Variants in MSR1 observed in about 807,000 individuals in gnomAD.
MSR1 encodes the protein macrophage scavenger receptor 1.
MSR1 carries 53 observed loss-of-function variants against 47.2 expected under a neutral mutation model. The observed-to-expected ratio is 1.12, with a 90% CI of 0.90 to 1.41. The LOEUF (loss-of-function observed/expected upper bound fraction) is 1.41. Among genes scored for constraint, MSR1 ranks in the 40% most tolerant of loss-of-function variants. The pLI is 0.00. For missense variants in MSR1, 786 were observed against 546.9 expected, an observed-to-expected ratio of 1.44 and a Z score of -4.36; for synonymous variants, 239 against 185.6, an observed-to-expected ratio of 1.29 and a Z score of -2.34.
chr8:16,118,572 A>C (rs1233545385), intron 9 of MSR1, among the ~76,000 whole-genome samples: 1 of 152,072 alleles, frequency 6.6e-6, no homozygotes, highest in Non-Finnish European at 1.5e-5. Flanking sequence ...GCAGCTTCTC[A>C]GGAGGCTGAG....
chr8:16,133,862 C>A (rs1800322435), intron 8 of MSR1, among the ~76,000 whole-genome samples: 1 of 152,162 alleles, frequency 6.6e-6, no homozygotes, highest in African/African-American at 2.4e-5. Flanking sequence ...TGGCACCCAT[C>A]TAGAAAAAAC....
At position 16,168,551 on chromosome 8, in the gene MSR1, G is replaced by C. The variant is rs780387163; in HGVS notation, c.537C>G (p.Ser179=). The C allele has an allele frequency of 4.3e-6, 7 of 1,614,074 alleles. No homozygotes were observed. The highest frequency in any genetic ancestry group is 5.9e-6 in the Non-Finnish European group (7 of 1,179,998). ...GCAATGTGGTATTCAAACTTATTAA[G>C]GACTTGGAGATTTCATCTATTGCAT... ...HGNAIDEISK[S]LISLNTTLLD... The change falls in exon 4 of 10, where the codon TCC becomes TCG. Residue 179 remains serine (S), a synonymous_variant. Transcript: ENST00000262101.
intron 8 of MSR1, chr8:16,121,096 T>A (rs1306603869): frequency 2.3e-5 from 9 of 397,256 alleles, no homozygotes; most frequent in Non-Finnish European, 4.4e-5. Context: ...ACTTCATATC[T>A]TTTCCCAAGG....
intron 8 of MSR1, among the ~76,000 whole-genome samples, chr8:16,128,609 T>C (rs1800182608): frequency 6.6e-6 from 1 of 152,184 alleles, no homozygotes; most frequent in Non-Finnish European, 1.5e-5. Flanking sequence ...CCAAGCAGAC[T>C]AATACGTTTT....
At chr8:16,128,945 A>T (rs1314920827) in intron 8 of MSR1, among the ~76,000 whole-genome samples, 1 of 152,204 alleles carries the variant, frequency 6.6e-6, no homozygotes, top group African/African-American at 2.4e-5. Context: ...CTTTTGGTGC[A>T]GAAATAGTAT....
At chr8:16,143,462 T>A (rs1290533481) in intron 8 of MSR1, 96 bp downstream of exon 8, 3 of 1,034,108 alleles carry the variant, frequency 2.9e-6, no homozygotes, top group Non-Finnish European at 4.5e-6. Context: ...GGATCTGTGC[T>A]GAAGTTGCGA....
intron 8 of MSR1, among the ~76,000 whole-genome samples, chr8:16,127,653 C>CACA (rs35818602): frequency 0.13 from 20,419 of 152,048 alleles, 2,091 homozygotes; most frequent in African/African-American, 0.26. Context: ...GATAATGCCA[C>CACA]ACAAGAGCTG....
chr8:16,148,658 G>T (rs1800764204), intron 7 of MSR1, among the ~76,000 whole-genome samples: 1 of 151,960 alleles, frequency 6.6e-6, no homozygotes, highest in Non-Finnish European at 1.5e-5. Context: ...GGCCAGGCTG[G>T]TCTTGAACTG....
At chr8:16,173,298 A>C (rs1801541822) in intron 3 of MSR1, among the ~76,000 whole-genome samples, 1 of 152,200 alleles carries the variant, frequency 6.6e-6, no homozygotes, top group Non-Finnish European at 1.5e-5. Context: ...ACTCTGCACG[A>C]GCCTATCAGA....
intron 5 of MSR1, among the ~76,000 whole-genome samples, chr8:16,160,781 A>G (rs540075442): frequency 1.2e-3 from 179 of 152,088 alleles, no homozygotes; most frequent in African/African-American, 4.2e-3. Flanking sequence ...CACTTTTTCT[A>G]TATTAACTTT....
chr8:16,148,407 T>G lies in MSR1; in HGVS notation c.979+1824A>C, dbSNP rs565080445. On this transcript the variant is annotated intron_variant, in intron 7 of 9. Transcript: ENST00000262101. Reference sequence around the variant, plus strand: ...ACAATCACACTCTTAGGTAAACTCCTGTCCACAGAAAAGCCAGCACATTAA... The same window carrying G: ...ACAATCACACTCTTAGGTAAACTCCGGTCCACAGAAAAGCCAGCACATTAA... Among the ~76,000 whole-genome samples, 58 of 152,162 alleles carry G rather than the reference T, an allele frequency of 3.8e-4. 1 individual carries two copies. The highest frequency in any genetic ancestry group is 7.6e-4 in the Non-Finnish European group (52 of 68,006).
intron 1 of MSR1, among the ~76,000 whole-genome samples, chr8:16,187,949 T>C (rs1300472782): frequency 6.6e-6 from 1 of 152,180 alleles, no homozygotes; most frequent in African/African-American, 2.4e-5. Flanking sequence ...TGAACATACA[T>C]ACTTGCATGA....
intron 6 of MSR1, 72 bp downstream of exon 6, chr8:16,154,992 C>T (rs547865430): frequency 1.6e-6 from 2 of 1,267,042 alleles, no homozygotes; most frequent in East Asian, 2.3e-5. Flanking sequence ...TAGCAATCCT[C>T]CCCTACACAT....
chr8:16,180,199 C>T (rs1801787554), intron 1 of MSR1, among the ~76,000 whole-genome samples: 3 of 151,948 alleles, frequency 2.0e-5, no homozygotes, highest in Admixed American at 1.3e-4. Flanking sequence ...TTTCACTTTC[C>T]AGAGCTTTTC....
intron 1 of MSR1, among the ~76,000 whole-genome samples, chr8:16,188,081 C>T (rs184449326): frequency 2.0e-5 from 3 of 152,184 alleles, no homozygotes. Flanking sequence ...TGTCAGTGTG[C>T]TGATAAACGA....
chr8:16,157,556 T>A (rs1202971920), intron 5 of MSR1, among the ~76,000 whole-genome samples: 1 of 151,994 alleles, frequency 6.6e-6, no homozygotes, highest in Non-Finnish European at 1.5e-5. Flanking sequence ...TTATGTTTCA[T>A]TTTTGTACAT....
At chr8:16,175,443 A>G in intron 2 of MSR1, 143 bp from the exon 3 acceptor site, 1 of 739,772 alleles carries the variant, frequency 1.4e-6, no homozygotes, top group East Asian at 2.7e-5. Flanking sequence ...TCTTTGCAGT[A>G]GAAAGCAAAA....
At chr8:16,177,847 A>C (rs779286633) in intron 2 of MSR1, 39 bp downstream of exon 2, 2 of 1,520,596 alleles carry the variant, frequency 1.3e-6, no homozygotes, top group South Asian at 1.1e-5. Flanking sequence ...AATAACTCTA[A>C]GAACAACCTC....
In MSR1 at chr8:16,109,967, T is replaced by C; in HGVS notation, c.*118A>G. 8.2e-7 allele frequency: 1 copy of C among 1,218,654 alleles called. No individual in the cohort carries two copies. The highest frequency in any genetic ancestry group is 1.8e-5 in the Admixed American group (1 of 54,100). 75.5% of individuals were successfully genotyped at this position (1,218,654 alleles called of 1,614,324 possible). On this transcript the variant is annotated 3_prime_UTR_variant, in exon 10 of 10. Coordinates refer to ENST00000262101, the MANE Select transcript of MSR1 (RefSeq NM_138715.3). Reference sequence around the variant, plus strand: ...AATATATTAATCCTGTAATCTAAAATATTATTTGGGCAATATTCTTAATCT... The same window carrying C: ...AATATATTAATCCTGTAATCTAAAACATTATTTGGGCAATATTCTTAATCT...
Sources: allele counts gnomAD v4.1 joint callset (sites outside exome capture counted in the v4.1 genomes callset), GRCh38; gene constraint gnomAD v4.1.1; transcripts MANE v1.5; gene names NCBI Gene and HGNC (gene_info 2026-07-23, HGNC 2026-07-21).